The following NOL11 variants were observed in gnomAD, a reference collection of about 807,000 sequenced individuals.
NOL11 encodes nucleolar protein 11.
In NOL11, 42 loss-of-function variants were observed where a neutral mutation model predicts 93.0. That is an observed-to-expected ratio of 0.45 (90% confidence interval 0.35 to 0.58). The LOEUF is 0.58. NOL11 is among the 20% of genes least tolerant of loss of function. NOL11 has a pLI of 0.00. For missense variants in NOL11, 775 were observed against 841.8 expected (o/e 0.92, Z 0.98); for synonymous variants, 296 against 293.7 (o/e 1.01, Z -0.08).
intron 7 of NOL11, among the ~76,000 whole-genome samples, chr17:67,731,278 T>G (rs1296279519): frequency 8.6e-5 from 2 of 23,270 alleles, no homozygotes; most frequent in African/African-American, 1.2e-4. Flanking sequence ...TTTTTTTTTT[T>G]TTTGAGACGG....
intron 3 of NOL11, chr17:67,720,300 CTTT>C (rs766269065): frequency 1.4e-4 from 19 of 132,446 alleles, no homozygotes; most frequent in East Asian, 4.4e-4. Flanking sequence ...GTGTATTGTA[CTTT>C]TTTTTTTTTT....
intron 16 of NOL11, among the ~76,000 whole-genome samples, chr17:67,741,849 C>T (rs1382894404): frequency 6.6e-6 from 1 of 152,158 alleles, no homozygotes; most frequent in East Asian, 1.9e-4. Flanking sequence ...CAGGCTTAAG[C>T]CACCGCACCC....
rs1207492803 is a variant in NOL11 at position 67,737,568 on chromosome 17, C to G, written c.1279C>G (p.Pro427Ala). 6.2e-7 allele frequency: 1 copy of G among 1,613,166 alleles called. No individual in the cohort carries two copies. ...VRKFLALKQT[P>A]DFHTVIGDTV... ...GAAATTTTTGGCTCTGAAGCAGACA[C>G]CTGACTTTCATACTGTCATTGGGGA... Residue 427 changes from proline to alanine, a missense_variant, in exon 12 of 18, where the codon CCT becomes GCT. Physicochemically the swap from Pro to Ala is conservative, Grantham distance 27. This residue lies in a region of NOL11 where 416 missense variants were observed against 525.2 expected (regional missense o/e 0.79). Transcript: ENST00000253247.
At chr17:67,724,413 A>G (rs1205624226) in intron 6 of NOL11, among the ~76,000 whole-genome samples, 1 of 150,844 alleles carries the variant, frequency 6.6e-6, no homozygotes, top group East Asian at 2.0e-4. Context: ...TGCTCACTGC[A>G]ACCTCTGCCT....
At chr17:67,739,276 A>C (rs1296175458) in intron 15 of NOL11, among the ~76,000 whole-genome samples, 1 of 152,228 alleles carries the variant, frequency 6.6e-6, no homozygotes. Context: ...AATTGCAGAC[A>C]GAAGGGTTCT....
intron 7 of NOL11, among the ~76,000 whole-genome samples, chr17:67,728,770 AT>A (rs1423366600): frequency 6.6e-6 from 1 of 152,144 alleles, no homozygotes; most frequent in East Asian, 1.9e-4. Context: ...ATCATTCCAT[AT>A]AATATTATTT....
In NOL11 at chr17:67,744,484, GT is replaced by G. The variant is rs1157416062; in HGVS notation, c.*626del. The G allele has an allele frequency of 6.6e-6, 1 of 152,222 alleles. No individual in the cohort carries two copies. Among genetic ancestry groups the G allele is most frequent in the Non-Finnish European group, 1.5e-5 (1 of 68,048 alleles). The allele number at this position is 152,222 out of a possible 1,614,324, so 9.4% of individuals were successfully genotyped here. On this transcript the variant is annotated 3_prime_UTR_variant, in exon 18 of 18. Transcript: ENST00000253247. ...CTGCGTTTTAGGTCAGGCACTGTAT[GT>G]AAACTTTAGTCACACATGTGGCCGT...
rs1341443236 is a variant in NOL11, at chr17:67,741,571, T to C, written c.1936-1908T>C. The stretch of plus-strand genomic sequence containing the variant: ...TATTTTTTATTTATTTATTTATTTA[T>C]TTAATTTATTTTCTTTCTGAGACAG... On this transcript the variant is annotated intron_variant, in intron 16 of 17. Transcript: ENST00000253247. Among the ~76,000 whole-genome samples the C allele has an allele frequency of 2.0e-5, 3 of 151,956 alleles. No individual in the cohort carries two copies. The East Asian group carries it at 5.8e-4, about 29-fold the overall frequency.
intron 7 of NOL11, among the ~76,000 whole-genome samples, chr17:67,729,679 T>C (rs891703152): frequency 6.6e-6 from 1 of 151,940 alleles, no homozygotes; most frequent in African/African-American, 2.4e-5. Context: ...CCCGGGTTCA[T>C]GCCATTCCCC....
chr17:67,730,739 G>A lies in NOL11; in HGVS notation c.854-3624G>A, dbSNP rs139774597. Among the ~76,000 whole-genome samples the A allele has an allele frequency of 6.4e-4, 97 of 152,240 alleles. No homozygotes were observed. The Middle Eastern group carries it at 0.024, about 37-fold the overall frequency. Reference sequence around the variant, plus strand: ...ATGCAATGCATAATAATCACGTCAGGGTGAATGGGGTACCCATCACCTCAA... The same window carrying A: ...ATGCAATGCATAATAATCACGTCAGAGTGAATGGGGTACCCATCACCTCAA... On this transcript the variant is annotated intron_variant, in intron 7 of 17. Coordinates refer to ENST00000253247, the MANE Select transcript of NOL11 (RefSeq NM_015462.5).
chr17:67,737,644 C>T lies in NOL11; in HGVS notation c.1355C>T (p.Pro452Leu). The change falls in exon 12 of 18, where the codon CCC (proline) becomes CTC (leucine). Residue 452 changes from proline to leucine, a missense_variant. Pro to Leu is a moderately conservative substitution (Grantham distance 98). Around this residue, in one of 2 missense-constraint regions of NOL11, gnomAD observed 416 missense variants for 525.2 expected, o/e 0.79. Transcript: ENST00000253247. ...TGTAAAGCAGAACCATCATTTTATC[C>T]CCGGAACTGTCTGATGCAGCTTATC... ...ERCKAEPSFY[P>L]RNCLMQLIQT... The T allele has an allele frequency of 3.7e-6, 6 of 1,614,102 alleles. No individual in the cohort carries two copies. The highest frequency in any genetic ancestry group is 5.1e-6 in the Non-Finnish European group (6 of 1,179,996).
intron 7 of NOL11, among the ~76,000 whole-genome samples, chr17:67,733,133 G>C (rs539884053): frequency 1.3e-4 from 20 of 151,556 alleles, no homozygotes; most frequent in African/African-American, 4.6e-4. Flanking sequence ...GGAGGCCGAG[G>C]TGAGTGGATC....
At chr17:67,736,524 T>C (rs780014310) in intron 9 of NOL11, 142 bp from the exon 10 acceptor site, 1 of 597,464 alleles carries the variant, frequency 1.7e-6, no homozygotes, top group Admixed American at 3.2e-5. Flanking sequence ...GATTTTCTTA[T>C]CTGAGGTTAT....
chr17:67,737,329 G>A (rs575118389), intron 11 of NOL11, among the ~76,000 whole-genome samples, 179 bp from the exon 12 acceptor site: 72 of 152,322 alleles, frequency 4.7e-4, no homozygotes, highest in African/African-American at 1.6e-3. Context: ...GTCACCTCAT[G>A]AGATTGATAT....
intron 5 of NOL11, 84 bp from the exon 6 acceptor site, chr17:67,723,965 G>A: frequency 1.1e-6 from 1 of 899,044 alleles, no homozygotes; most frequent in Non-Finnish European, 1.7e-6. Flanking sequence ...TAAGTAGAAT[G>A]GGGTGACAAC....
At position 67,744,033 on chromosome 17, in the gene NOL11, A is replaced by G. The variant is rs2055279678; in HGVS notation, c.*174A>G. ...TCCGGGGTAGGACTGCAGGTTTCAC[A>G]TGAACCTGTTCTAGGCTGTGGACAT... is the stretch of plus-strand genomic sequence containing the variant. On this transcript the variant is annotated 3_prime_UTR_variant, in exon 18 of 18. Coordinates refer to ENST00000253247, the MANE Select transcript of NOL11 (RefSeq NM_015462.5). The G allele has an allele frequency of 5.1e-6, 2 of 391,018 alleles. No individual in the cohort carries two copies. Among genetic ancestry groups the G allele is most frequent in the Non-Finnish European group, 9.1e-6 (2 of 219,932 alleles). 24.2% of individuals were successfully genotyped at this position (391,018 alleles called of 1,614,324 possible). A position where few individuals can be genotyped will look rare whatever the true frequency, so the allele number is the denominator to read the frequency against.
At chr17:67,735,784 C>T (rs2055195679) in intron 8 of NOL11, 116 bp from the exon 9 acceptor site, 1 of 614,678 alleles carries the variant, frequency 1.6e-6, no homozygotes, top group East Asian at 3.3e-5. Flanking sequence ...TTGAAAGTTG[C>T]TTACTTTGCC....
intron 9 of NOL11, 107 bp from the exon 10 acceptor site, chr17:67,736,559 T>C: frequency 1.0e-5 from 7 of 669,470 alleles, no homozygotes; most frequent in Non-Finnish European, 1.8e-5. Context: ...CTTCAAAGCC[T>C]CTCTTAAATT....
At chr17:67,738,494 A>G (rs2055225018) in intron 14 of NOL11, 139 bp downstream of exon 14, 3 of 623,794 alleles carry the variant, frequency 4.8e-6, no homozygotes, top group Non-Finnish European at 8.4e-6. Context: ...TTGAAAATAG[A>G]TTATGTTCAA....
Sources: allele counts gnomAD v4.1 joint callset (sites outside exome capture counted in the v4.1 genomes callset), GRCh38; gene constraint gnomAD v4.1.1; regional missense constraint gnomAD v4.1.1; transcripts MANE v1.5; gene names NCBI Gene and HGNC (gene_info 2026-07-23, HGNC 2026-07-21).